The following POR variants were observed in gnomAD, a reference collection of about 807,000 sequenced individuals.
The protein encoded by POR is NADPH--cytochrome P450 reductase.
In POR, 56 loss-of-function variants were observed where a neutral mutation model predicts 84.0. The observed-to-expected ratio is 0.67, with a 90% confidence interval of 0.54 to 0.83. POR has a LOEUF of 0.83. Among genes scored for constraint, POR ranks in the 40% least tolerant of loss-of-function variants. POR has a pLI of 0.00. For missense variants in POR, 938 were observed against 944.3 expected (o/e 0.99, Z 0.09); for synonymous variants, 414 against 400.5 (o/e 1.03, Z -0.40).
chr7:75,951,074 C>G (rs868939611), intron 1 of POR, among the ~76,000 whole-genome samples: 8 of 78,108 alleles, frequency 1.0e-4, no homozygotes, highest in South Asian at 7.1e-4. Context: ...CCCCCCCCCC[C>G]CCGAAAAAAA....
At chr7:75,952,781 G>A (rs1234858085) in intron 1 of POR, among the ~76,000 whole-genome samples, 10 of 151,404 alleles carry the variant, frequency 6.6e-5, no homozygotes, top group African/African-American at 1.5e-4. Context: ...GAGAAGAGGC[G>A]CTCCTCACTT....
chr7:75,932,029 C>G (rs1326161680), intron 1 of POR, among the ~76,000 whole-genome samples: 2 of 152,156 alleles, frequency 1.3e-5, no homozygotes, highest in Non-Finnish European at 2.9e-5. Flanking sequence ...GCTCCCGTCT[C>G]TTCAGCTTAG....
intron 1 of POR, among the ~76,000 whole-genome samples, chr7:75,917,490 G>A (rs1806631023): frequency 6.6e-6 from 1 of 151,220 alleles, no homozygotes; most frequent in African/African-American, 2.4e-5. Flanking sequence ...TTGTGCTTTA[G>A]GGAGGAGCCA....
chr7:75,934,927 C>T (rs1022768912), intron 1 of POR, among the ~76,000 whole-genome samples: 8 of 152,144 alleles, frequency 5.3e-5, no homozygotes, highest in South Asian at 4.1e-4. Flanking sequence ...GACCCCTTAC[C>T]GAGAACCTCT....
intron 1 of POR, among the ~76,000 whole-genome samples, chr7:75,930,911 T>C (rs1046291984): frequency 6.6e-6 from 1 of 152,048 alleles, no homozygotes; most frequent in Non-Finnish European, 1.5e-5. Flanking sequence ...TAACCCCCAA[T>C]TCCTGGGCTC....
chr7:75,945,669 C>T (rs1477192806), intron 1 of POR, among the ~76,000 whole-genome samples: 1 of 152,116 alleles, frequency 6.6e-6, no homozygotes, highest in African/African-American at 2.4e-5. Flanking sequence ...ACCCCGCTCC[C>T]CCTGCAGCCA....
rs2116634373 is a variant in POR, at chr7:75,986,004, A to G, written c.1751A>G (p.Gln584Arg). Residue 584 changes from glutamine (Q) to arginine (R), a missense_variant, in exon 14 of 16, where the codon CAG becomes CGG. By Grantham distance (43) the Gln-to-Arg change is conservative. Transcript: ENST00000461988. ...TACCTGTACCGGGAGGAGCTGGCGC[A>G]GTTCCACAGGGACGGTGCGCTCACC... 1 of 1,570,924 alleles carries G rather than the reference A, an allele frequency of 6.4e-7. No homozygotes were observed. Among genetic ancestry groups the G allele is most frequent in the Admixed American group, 1.9e-5 (1 of 53,148 alleles).
chr7:75,980,870 A>C, intron 5 of POR, 178 bp from the exon 6 acceptor site: 1 of 1,080,912 alleles, frequency 9.3e-7, no homozygotes, highest in South Asian at 1.7e-5. Context: ...GGTCAACCAG[A>C]TGAAGCCTCT....
chr7:75,961,012 C>A (rs1041198382), intron 2 of POR, among the ~76,000 whole-genome samples: 3 of 152,106 alleles, frequency 2.0e-5, no homozygotes, highest in Non-Finnish European at 2.9e-5. Context: ...GCAGGTGGAT[C>A]ACATGAGGCC....
intron 3 of POR, 116 bp downstream of exon 3, chr7:75,972,577 A>G (rs575637414): frequency 2.5e-5 from 25 of 997,378 alleles, no homozygotes; most frequent in South Asian, 6.9e-5. Flanking sequence ...TGGCCAGGAG[A>G]GGGAACGCAG....
chr7:75,926,795 T>C (rs1554549581), intron 1 of POR, among the ~76,000 whole-genome samples: 1 of 152,050 alleles, frequency 6.6e-6, no homozygotes, highest in Non-Finnish European at 1.5e-5. Context: ...CGAAACTCTG[T>C]CTCAAAAAAA....
chr7:75,946,577 T>C lies in POR; in HGVS notation c.-4-7412T>C, dbSNP rs143299628. On this transcript the variant is annotated intron_variant, in intron 1 of 15. Transcript: ENST00000461988. Reference sequence around the variant, plus strand: ...TGCTGAGATTAAAGGCATGAGCCACTGCACCCAGCTCTGTACCTAATTTTA... The same window carrying C: ...TGCTGAGATTAAAGGCATGAGCCACCGCACCCAGCTCTGTACCTAATTTTA... 3.5e-4 allele frequency among the ~76,000 whole-genome samples: 53 copies of C among 152,280 alleles called. 2 individuals are homozygous for C. In the East Asian group the frequency reaches 0.01, roughly 29 times the overall value.
At chr7:75,961,260 A>C (rs1787926653) in intron 2 of POR, among the ~76,000 whole-genome samples, 2 of 126,942 alleles carry the variant, frequency 1.6e-5, no homozygotes, top group African/African-American at 3.0e-5. Context: ...AAAAACTTAG[A>C]CTTACAGCTT....
chr7:75,981,211 C>A, intron 6 of POR, 39 bp downstream of exon 6: 1 of 1,498,758 alleles, frequency 6.7e-7, no homozygotes, highest in Non-Finnish European at 8.9e-7. Context: ...GCGCGGCGGG[C>A]TTAGGCAGGG....
At position 75,983,523 on chromosome 7, in the gene POR, CT is replaced by C; in HGVS notation, c.837del (p.Phe279LeufsTer17). On this transcript the variant is annotated frameshift_variant, in exon 9 of 16. Coordinates refer to ENST00000461988, the MANE Select transcript of POR (RefSeq NM_000941.3). LOFTEE classifies it high-confidence loss of function. ...TGCTTCTCTCCTCCCCACCCAGCCC[CT>C]TTGATGCCAAGAATCCGTTCCTGGC... is the stretch of plus-strand genomic sequence containing the variant. The C allele has an allele frequency of 1.9e-6, 3 of 1,612,682 alleles. No homozygotes were observed. Among genetic ancestry groups the C allele is most frequent in the South Asian group, 2.2e-5 (2 of 91,076 alleles).
intron 3 of POR, among the ~76,000 whole-genome samples, chr7:75,974,529 T>TTTTTTTTTTTTTTTTTTTTTTTA (rs1788588521): frequency 6.9e-6 from 1 of 145,818 alleles, no homozygotes; most frequent in Non-Finnish European, 1.5e-5. Context: ...CTTTTCTTTT[T>TTTTTTTTTTTTTTTTTTTTTTTA]TTTTTTTTTT....
intron 3 of POR, among the ~76,000 whole-genome samples, chr7:75,973,673 G>GTTTT (rs1788542898): frequency 2.4e-5 from 1 of 42,168 alleles, no homozygotes; most frequent in African/African-American, 8.8e-5. Context: ...TCCAGACCTT[G>GTTTT]CTTTTTTTTT....
In POR at chr7:75,985,910, C is replaced by T. The variant is rs1554559241; in HGVS notation, c.1670-13C>T. The T allele has an allele frequency of 6.4e-7, 1 of 1,573,982 alleles. No homozygotes were observed. The stretch of plus-strand genomic sequence containing the variant: ...CTGGGAGCCCCGCGCTCACCCCGGC[C>T]CCTGCCACGCAGGCAAGGAGGTGGG... On this transcript the variant is annotated splice_polypyrimidine_tract_variant and intron_variant, in intron 13 of 15. Coordinates refer to ENST00000461988, the MANE Select transcript of POR (RefSeq NM_000941.3).
chr7:75,972,971 TGCCACCAC>T (rs1426092333), intron 3 of POR, among the ~76,000 whole-genome samples: 1 of 151,678 alleles, frequency 6.6e-6, no homozygotes, highest in Non-Finnish European at 1.5e-5. Flanking sequence ...TACAGGTGCG[TGCCACCAC>T]GCCCAGCTAA....
Sources: gnomAD v4.1 joint callset for allele counts (sites outside exome capture counted in the v4.1 genomes callset) on GRCh38, gnomAD v4.1.1 for gene constraint, MANE v1.5 for transcripts, NCBI Gene and HGNC (gene_info 2026-07-23, HGNC 2026-07-21) for gene names.